NDUFAF6: variants seen among roughly 807,000 people sequenced by gnomAD.
NDUFAF6 encodes NADH:ubiquinone oxidoreductase complex assembly factor 6, also known as NADH dehydrogenase (ubiquinone) complex I, assembly factor 6.
NDUFAF6 carries 45 observed loss-of-function variants against 40.8 expected under a neutral mutation model. The observed-to-expected ratio is 1.10, with a 90% CI of 0.87 to 1.42. The LOEUF (loss-of-function observed/expected upper bound fraction) is 1.42, where lower values mean the gene tolerates loss of function less well. Among genes scored for constraint, NDUFAF6 ranks in the 40% most tolerant of loss-of-function variants. The probability of loss-of-function intolerance (pLI) is 0.00; values close to 1 mark genes in which losing one functional copy is unlikely to be tolerated. For missense variants in NDUFAF6, 435 were observed against 418.5 expected, an observed-to-expected ratio of 1.04 and a Z score of -0.34; for synonymous variants, 185 against 155.9, an observed-to-expected ratio of 1.19 and a Z score of -1.39.
At chr8:95,037,834 T>C (rs751219662) in intron 3 of NDUFAF6, among the ~76,000 whole-genome samples, 2 of 152,202 alleles carry the variant, frequency 1.3e-5, no homozygotes, top group Non-Finnish European at 2.9e-5. Context: ...AAAAACATTT[T>C]AAAAACTTAC....
chr8:94,913,397 TTGA>T (rs1461431103), intron 1 of NDUFAF6, among the ~76,000 whole-genome samples: 11 of 152,232 alleles, frequency 7.2e-5, no homozygotes, highest in African/African-American at 2.7e-4. Context: ...AAGCCCACCA[TTGA>T]CTGATCACAC....
chr8:95,050,373 A>G (rs2678822), intron 7 of NDUFAF6, among the ~76,000 whole-genome samples: 43,900 of 152,096 alleles, frequency 0.29, 6,650 homozygotes, highest in Non-Finnish European at 0.34. Context: ...TGAAGAGATT[A>G]TGGAGTTGTA....
At chr8:94,898,966 T>C (rs1817837614) in intron 1 of NDUFAF6, among the ~76,000 whole-genome samples, 1 of 152,260 alleles carries the variant, frequency 6.6e-6, no homozygotes, top group Non-Finnish European at 1.5e-5. Flanking sequence ...TTAATAATAG[T>C]ATTTCTCATG....
intron 6 of NDUFAF6, 135 bp downstream of exon 6, chr8:95,047,262 C>T: frequency 8.0e-7 from 1 of 1,249,640 alleles, no homozygotes; most frequent in South Asian, 1.3e-5. Flanking sequence ...AAATGGCCTT[C>T]CTCTTTTTAT....
chr8:94,922,767 CT>C (rs1415841499), intron 1 of NDUFAF6, among the ~76,000 whole-genome samples: 1 of 152,210 alleles, frequency 6.6e-6, no homozygotes, highest in African/African-American at 2.4e-5. Flanking sequence ...GCATGTGCCA[CT>C]GCGCTGGCTG....
At chr8:94,975,858 T>C (rs148998688) in intron 1 of NDUFAF6, 1 of 152,364 alleles carries the variant, frequency 6.6e-6, no homozygotes, top group East Asian at 1.9e-4. Flanking sequence ...CTGCTTTAGT[T>C]TTCTGAGCAC....
At chr8:94,962,880 T>A (rs1823710304) in intron 1 of NDUFAF6, among the ~76,000 whole-genome samples, 1 of 151,738 alleles carries the variant, frequency 6.6e-6, no homozygotes, top group Admixed American at 6.6e-5. Context: ...AACCTTAGCT[T>A]CCTGGGTTCA....
chr8:95,096,961 CA>C (rs1188516793), upstream of NDUFAF6, among the ~76,000 whole-genome samples: 1 of 152,162 alleles, frequency 6.6e-6, no homozygotes, highest in African/African-American at 2.4e-5. Flanking sequence ...AGGAGACCTC[CA>C]GGGGCTAGGC....
chr8:94,951,568 C>T (rs934541355), intron 2 of NDUFAF6, among the ~76,000 whole-genome samples: 7 of 152,172 alleles, frequency 4.6e-5, no homozygotes, highest in Non-Finnish European at 1.0e-4. Flanking sequence ...ATAATCTTCC[C>T]ACCTGGTGCT....
chr8:94,914,432 A>G (rs2131239185), intron 1 of NDUFAF6, among the ~76,000 whole-genome samples: 2 of 152,130 alleles, frequency 1.3e-5, no homozygotes, highest in South Asian at 4.2e-4. Context: ...AGTTACATGT[A>G]CCTCTCAAAC....
chr8:95,107,160 T>C (rs1341156279), downstream of NDUFAF6, among the ~76,000 whole-genome samples: 1 of 152,170 alleles, frequency 6.6e-6, no homozygotes, highest in Non-Finnish European at 1.5e-5. Context: ...AATAAATCAT[T>C]CTACTATAAA....
At chr8:94,931,827 C>G (rs1820432218) in intron 1 of NDUFAF6, among the ~76,000 whole-genome samples, 1 of 151,960 alleles carries the variant, frequency 6.6e-6, no homozygotes. Flanking sequence ...CAAAAATTAG[C>G]CAGGTGTGGT....
chr8:95,035,609 A>T, intron 3 of NDUFAF6, 33 bp downstream of exon 3: 1 of 1,590,476 alleles, frequency 6.3e-7, no homozygotes, highest in Non-Finnish European at 8.6e-7. Flanking sequence ...TTTAATTTGT[A>T]TGAATATTAT....
chr8:94,949,613 G>A (rs1003503593), intron 2 of NDUFAF6, among the ~76,000 whole-genome samples: 2 of 152,054 alleles, frequency 1.3e-5, no homozygotes, highest in African/African-American at 2.4e-5. Flanking sequence ...TGGGAGAGAG[G>A]GGCTAGGCCG....
intron 2 of NDUFAF6, among the ~76,000 whole-genome samples, chr8:95,033,508 A>T (rs748871701): frequency 1.3e-5 from 2 of 152,242 alleles, no homozygotes; most frequent in African/African-American, 4.8e-5. Flanking sequence ...CATAGTCTGT[A>T]TTCAATGCTA....
downstream of NDUFAF6, among the ~76,000 whole-genome samples, chr8:95,105,114 G>T (rs939794799): frequency 2.7e-5 from 3 of 112,078 alleles, no homozygotes; most frequent in Non-Finnish European, 5.4e-5. Flanking sequence ...GAGAGAGAGA[G>T]AGATCACGTA....
intron 1 of NDUFAF6, among the ~76,000 whole-genome samples, chr8:94,916,253 C>T (rs945407606): frequency 6.6e-6 from 1 of 152,174 alleles, no homozygotes; most frequent in Non-Finnish European, 1.5e-5. Context: ...AACATGGAAT[C>T]GGAGGTGGTC....
chr8:94,977,671 C>G (rs147695192), intron 1 of NDUFAF6, among the ~76,000 whole-genome samples: 1 of 152,184 alleles, frequency 6.6e-6, no homozygotes, highest in African/African-American at 2.4e-5. Flanking sequence ...ACATCAGACT[C>G]CAGATTCTTC....
upstream of NDUFAF6, among the ~76,000 whole-genome samples, chr8:94,954,826 G>C (rs1822937987): frequency 1.3e-5 from 2 of 152,164 alleles, no homozygotes; most frequent in African/African-American, 4.8e-5. Flanking sequence ...TGTCTTTTTG[G>C]CTTTTCCAAC....
Sources: allele counts gnomAD v4.1 joint callset (sites outside exome capture counted in the v4.1 genomes callset), GRCh38; gene constraint gnomAD v4.1.1; transcripts MANE v1.5; gene names NCBI Gene and HGNC (gene_info 2026-07-23, HGNC 2026-07-21).